Variants in CUX1 observed in about 807,000 individuals in gnomAD.
CUX1 encodes the protein cut like homeobox 1.
A neutral mutation model predicts 158.8 loss-of-function variants in CUX1; 31 were observed. That is an observed-to-expected ratio of 0.20 (90% CI 0.15 to 0.26). CUX1 has a LOEUF of 0.26. Among genes scored for constraint, CUX1 ranks in the 10% least tolerant of loss-of-function variants. The pLI is 1.00. For missense variants in CUX1, 1,589 were observed against 2,014.6 expected (o/e 0.79, Z 4.04); for synonymous variants, 879 against 862.1 (o/e 1.02, Z -0.34).
chr7:101,978,368 C>T (rs879252974), intron 2 of CUX1, among the ~76,000 whole-genome samples: 2 of 152,182 alleles, frequency 1.3e-5, no homozygotes, highest in Admixed American at 1.3e-4. Context: ...CAGGCTAAAA[C>T]CTAGGTGTGC....
At position 102,197,015 on chromosome 7, in the gene CUX1, C is replaced by T. The variant is rs782111586; in HGVS notation, c.1604C>T (p.Ser535Phe). 3.1e-6 allele frequency: 5 copies of T among 1,614,224 alleles called. No homozygotes were observed. Among genetic ancestry groups the T allele is most frequent in the Non-Finnish European group, 4.2e-6 (5 of 1,180,030 alleles). The change falls in exon 15 of 24, where the codon TCC (serine) becomes TTC (phenylalanine). Residue 535 changes from serine (S) to phenylalanine (F), a missense_variant. This residue lies in a region of CUX1 where 515 missense variants were observed against 574.4 expected (regional missense o/e 0.90). Transcript: ENST00000292535. ...QSPDVNGMAP[S>F]PSQSESAGSV... ...CCAGATGTCAATGGCATGGCCCCAT[C>T]CCCCAGCCAGTCAGAAAGTGCTGGG...
chr7:101,987,225 G>A (rs1390979983), intron 2 of CUX1, among the ~76,000 whole-genome samples: 1 of 152,244 alleles, frequency 6.6e-6, no homozygotes, highest in Non-Finnish European at 1.5e-5. Flanking sequence ...CGATGAATGA[G>A]TGTGGGGCAA....
chr7:102,181,435 G>A (rs2131817917), intron 11 of CUX1, among the ~76,000 whole-genome samples: 1 of 152,206 alleles, frequency 6.6e-6, no homozygotes, highest in African/African-American at 2.4e-5. Flanking sequence ...GATACACACC[G>A]GCTACAAGAG....
chr7:101,908,669 G>A (rs909672570), intron 1 of CUX1, among the ~76,000 whole-genome samples: 24 of 151,978 alleles, frequency 1.6e-4, no homozygotes, highest in Non-Finnish European at 3.2e-4. Context: ...TGGTCCTGTC[G>A]GCCTTGTTGC....
chr7:102,151,883 C>T (rs370328360), intron 8 of CUX1, among the ~76,000 whole-genome samples: 6 of 151,908 alleles, frequency 3.9e-5, no homozygotes, highest in African/African-American at 9.7e-5. Flanking sequence ...ATTTTTCTTT[C>T]GGCTTTTAAA....
At chr7:102,170,861 C>T (rs945896775) in intron 10 of CUX1, among the ~76,000 whole-genome samples, 1 of 151,916 alleles carries the variant, frequency 6.6e-6, no homozygotes, top group African/African-American at 2.4e-5. Context: ...GGTGTGATCG[C>T]TGGCATGCGG....
At chr7:102,009,077 G>A (rs1260211182) in intron 2 of CUX1, among the ~76,000 whole-genome samples, 9 of 152,192 alleles carry the variant, frequency 5.9e-5, no homozygotes, top group Admixed American at 2.0e-4. Flanking sequence ...CAGCCACAGC[G>A]GTTCCAGATG....
intron 8 of CUX1, among the ~76,000 whole-genome samples, chr7:102,156,210 G>A (rs1789737058): frequency 1.3e-5 from 2 of 152,160 alleles, no homozygotes; most frequent in South Asian, 4.2e-4. Context: ...CGTCCAGGGT[G>A]TACCTTAGCC....
intron 4 of CUX1, among the ~76,000 whole-genome samples, chr7:102,091,719 A>G (rs1349834526): frequency 1.3e-5 from 2 of 152,146 alleles, no homozygotes; most frequent in Non-Finnish European, 2.9e-5. Context: ...GAGAAAACCA[A>G]CAAACCATTG....
At chr7:102,179,387 A>T (rs1360214020) in intron 11 of CUX1, among the ~76,000 whole-genome samples, 4 of 152,098 alleles carry the variant, frequency 2.6e-5, no homozygotes, top group Admixed American at 2.6e-4. Context: ...CTTTCTGAGG[A>T]TACCCCTACA....
chr7:102,014,590 A>G (rs114979170), intron 2 of CUX1, among the ~76,000 whole-genome samples: 5,460 of 152,142 alleles, frequency 0.036, 341 homozygotes, highest in African/African-American at 0.13. Flanking sequence ...CGGGGATGCT[A>G]AAGTCGGGGA....
chr7:102,237,470 C>T (rs576083304), intron 22 of CUX1, among the ~76,000 whole-genome samples: 6 of 152,176 alleles, frequency 3.9e-5, no homozygotes, highest in Admixed American at 3.3e-4. Flanking sequence ...TTTTTTGAGA[C>T]AGGGTCTCTC....
At chr7:102,131,538 G>A (rs1431028712) in intron 8 of CUX1, among the ~76,000 whole-genome samples, 7 of 151,142 alleles carry the variant, frequency 4.6e-5, no homozygotes, top group Non-Finnish European at 1.0e-4. Context: ...TCAAATTTAA[G>A]TACATTAAAG....
At chr7:101,851,626 GC>G (rs1796277137) in intron 1 of CUX1, among the ~76,000 whole-genome samples, 1 of 152,124 alleles carries the variant, frequency 6.6e-6, no homozygotes, top group Non-Finnish European at 1.5e-5. Flanking sequence ...TCCGTCAAGG[GC>G]GTTCTGCATT....
chr7:102,214,792 G>T (rs1303811206), intron 20 of CUX1, among the ~76,000 whole-genome samples: 2 of 152,232 alleles, frequency 1.3e-5, no homozygotes, highest in African/African-American at 2.4e-5. Flanking sequence ...CAGGCAGGAG[G>T]CTTCCATCGG....
chr7:101,988,240 CG>C (rs1814593039), intron 2 of CUX1, among the ~76,000 whole-genome samples: 1 of 152,002 alleles, frequency 6.6e-6, no homozygotes, highest in Admixed American at 6.6e-5. Flanking sequence ...AGCTGTTCTC[CG>C]TGAGTCAGCC....
intron 10 of CUX1, among the ~76,000 whole-genome samples, chr7:102,170,900 G>A (rs1554510250): frequency 1.4e-4 from 20 of 146,090 alleles, no homozygotes; most frequent in Non-Finnish European, 3.0e-5. Flanking sequence ...AGCCTCTCCA[G>A]AATGACACGG....
intron 10 of CUX1, among the ~76,000 whole-genome samples, chr7:102,177,014 A>T (rs973006959): frequency 8.7e-5 from 13 of 149,884 alleles, no homozygotes; most frequent in Non-Finnish European, 1.6e-4. Context: ...GCATTTAGTG[A>T]GGTTAAGGGG....
chr7:102,195,626 G>A (rs1554518092), intron 14 of CUX1, 23 bp downstream of exon 14: 19 of 1,579,082 alleles, frequency 1.2e-5, no homozygotes, highest in Non-Finnish European at 1.5e-5. Context: ...GGCTTCGCGC[G>A]TGTGCGGTGG....
Sources: allele counts gnomAD v4.1 joint callset (sites outside exome capture counted in the v4.1 genomes callset), GRCh38; gene constraint gnomAD v4.1.1; regional missense constraint gnomAD v4.1.1; transcripts MANE v1.5; gene names NCBI Gene and HGNC (gene_info 2026-07-23, HGNC 2026-07-21).